Variants in SCUBE3 observed in about 807,000 individuals in gnomAD.
The protein encoded by SCUBE3 is signal peptide, CUB domain and EGF like domain containing 3, also known as signal peptide, CUB and EGF-like domain-containing protein 3.
In SCUBE3, 33 loss-of-function variants were observed where a neutral mutation model predicts 116.8. That is an observed-to-expected ratio of 0.28 (90% CI 0.21 to 0.38). The LOEUF (loss-of-function observed/expected upper bound fraction) is 0.38, where lower values mean the gene tolerates loss of function less well. SCUBE3 is among the 10% of genes least tolerant of loss of function. The pLI is 1.00. For missense variants in SCUBE3, 1,007 were observed against 1,324.8 expected (o/e 0.76, Z 3.72); for synonymous variants, 418 against 496.9 (o/e 0.84, Z 2.11).
intron 2 of SCUBE3, 31 bp downstream of exon 2, chr6:35,227,733 G>A: frequency 6.2e-7 from 1 of 1,613,204 alleles, no homozygotes. Context: ...GGAGGAGAGG[G>A]ACCTGTGGAA....
intron 2 of SCUBE3, 62 bp downstream of exon 2, chr6:35,227,764 G>A (rs1408229584): frequency 1.9e-6 from 3 of 1,571,184 alleles, no homozygotes; most frequent in Non-Finnish European, 2.6e-6. Flanking sequence ...CAGTGCCACT[G>A]CCCTCAGTTG....
Position 35,214,317 on chromosome 6 carries a change from G to A in SCUBE3, c.-102G>A, listed in dbSNP as rs1387256946. On this transcript the variant is annotated 5_prime_UTR_variant, in exon 1 of 22. Transcript: ENST00000274938. The surrounding 1 kb of genome is among the most constrained non-coding windows in gnomAD (Gnocchi z 6.3). ...GCCCCCGGCCTGGCCCCGGCGGGGCGCCCCCTCCCCTCCCCCTCCTGCGAG... is the reference window on the plus strand; with the variant it reads ...GCCCCCGGCCTGGCCCCGGCGGGGCACCCCCTCCCCTCCCCCTCCTGCGAG... 8.0e-6 allele frequency: 5 copies of A among 622,796 alleles called. No homozygotes were observed. Among genetic ancestry groups the A allele is most frequent in the African/African-American group, 4.0e-5 (2 of 50,584 alleles). The allele number at this position is 622,796 out of a possible 1,614,324, so 38.6% of individuals were successfully genotyped here. A position where few individuals can be genotyped will look rare whatever the true frequency, so the allele number is the denominator to read the frequency against.
In SCUBE3 at chr6:35,214,673, C is replaced by G. The variant is rs548182993; in HGVS notation, c.85+170C>G. Among the ~76,000 whole-genome samples the G allele has an allele frequency of 1.3e-5, 2 of 152,328 alleles. No homozygotes were observed. The highest frequency in any genetic ancestry group is 1.3e-4 in the Admixed American group (2 of 15,306). ...GGGCCCGACCGCTGGGCGCTGCGCC[C>G]CGAGCGAAAAGCCGGACAAGCTGGG... On this transcript the variant is annotated intron_variant, in intron 1 of 21. Coordinates refer to ENST00000274938, the MANE Select transcript of SCUBE3 (RefSeq NM_152753.4). This position sits in a 1 kb window ranked among gnomAD's most constrained non-coding sequence, Gnocchi z 6.3.
At chr6:35,226,505 G>C (rs1378595080) in intron 1 of SCUBE3, among the ~76,000 whole-genome samples, 1 of 10,282 alleles carries the variant, frequency 9.7e-5, no homozygotes, top group East Asian at 9.4e-3. Context: ...TTTTTTTTGA[G>C]ATAGAGTCTC....
chr6:35,232,925 G>A lies in SCUBE3; in HGVS notation c.545G>A (p.Cys182Tyr), dbSNP rs1399728388. The change falls in exon 5 of 22, where the codon TGT becomes TAT. Residue 182 changes from cysteine to tyrosine, a missense_variant. By Grantham distance (194) the Cys-to-Tyr change is radical. Around this residue, in one of 5 missense-constraint regions of SCUBE3, gnomAD observed 214 missense variants for 316.7 expected, o/e 0.68. Transcript: ENST00000274938. This position sits in a 1 kb window ranked among gnomAD's most constrained non-coding sequence, Gnocchi z 4.2. ...CRETPKGGIA[C>Y]ECRPGFELTK... Reference sequence around the variant, plus strand: ...GAGACACCCAAGGGGGGTATTGCCTGTGAATGCCGTCCTGGCTTTGAGCTT... The same window carrying A: ...GAGACACCCAAGGGGGGTATTGCCTATGAATGCCGTCCTGGCTTTGAGCTT... 5 of 1,614,098 alleles carry A rather than the reference G, an allele frequency of 3.1e-6. No individual in the cohort carries two copies. Among genetic ancestry groups the A allele is most frequent in the Admixed American group, 1.7e-5 (1 of 60,008 alleles).
chr6:35,245,780 C>T lies in SCUBE3; in HGVS notation c.2600-164C>T, dbSNP rs1481930294. Among the ~76,000 whole-genome samples, 1 of 152,062 alleles carries T rather than the reference C, an allele frequency of 6.6e-6. No individual in the cohort carries two copies. The highest frequency in any genetic ancestry group is 2.4e-5 in the African/African-American group (1 of 41,410). On this transcript the variant is annotated intron_variant, in intron 19 of 21. Transcript: ENST00000274938. This position sits in a 1 kb window ranked among gnomAD's most constrained non-coding sequence, Gnocchi z 4.2. ...GGAATTGTGGAATGAGCCCAGTGGG[C>T]AATGGGAGAGGGTGTGGGGTAGGGT... is the stretch of plus-strand genomic sequence containing the variant.
intron 1 of SCUBE3, chr6:35,222,222 G>T (rs3800385): frequency 0.68 from 102,845 of 152,096 alleles, 37,866 homozygotes; most frequent in Non-Finnish European, 0.82. Flanking sequence ...ATTTCCATTT[G>T]TTACTGTTCC....
rs770194611 is a variant in SCUBE3, at chr6:35,241,600, G to A, written c.1253G>A (p.Arg418Gln). The change falls in exon 11 of 22, where the codon CGG (arginine) becomes CAG (glutamine). Residue 418 changes from arginine to glutamine, a missense_variant. Physicochemically the swap from Arg to Gln is conservative, Grantham distance 43. This residue lies in a region of SCUBE3 where 544 missense variants were observed against 638.9 expected (regional missense o/e 0.85). Coordinates refer to ENST00000274938, the MANE Select transcript of SCUBE3 (RefSeq NM_152753.4). This position sits in a 1 kb window ranked among gnomAD's most constrained non-coding sequence, Gnocchi z 4.1. ...GASKAMLSCNRSGKKDTCALT... is the reference protein window; with the variant it reads ...GASKAMLSCNQSGKKDTCALT... ...TCGAAAGCCATGCTCAGCTGCAACC[G>A]GTCTGGCAAGAAGGACACCTGTGCC... The A allele has an allele frequency of 7.4e-6, 12 of 1,614,064 alleles. No individual in the cohort carries two copies. The highest frequency in any genetic ancestry group is 6.7e-5 in the Admixed American group (4 of 60,006).
chr6:35,217,618 C>T (rs957691997), intron 1 of SCUBE3, among the ~76,000 whole-genome samples: 6 of 151,970 alleles, frequency 3.9e-5, no homozygotes, highest in African/African-American at 1.2e-4. Flanking sequence ...TCCTTTCCTC[C>T]CCGCTTCCCT....
intron 21 of SCUBE3, among the ~76,000 whole-genome samples, chr6:35,247,035 A>G (rs959546127): frequency 6.6e-6 from 1 of 152,142 alleles, no homozygotes; most frequent in Non-Finnish European, 1.5e-5. Flanking sequence ...CTCAGAATCA[A>G]TTTATGTACA....
rs1783638937 is a variant in SCUBE3, at chr6:35,233,573, TGCCAAAC to T, written c.712+273_712+279del. On this transcript the variant is annotated intron_variant, in intron 6 of 21. Transcript: ENST00000274938. The surrounding 1 kb of genome is among the most constrained non-coding windows in gnomAD (Gnocchi z 5.7). ...CCCTCTTCATCCCAGGACAAAGTGT[TGCCAAAC>T]TGGGAATAATTAGCAGAGTTGCTTA... 6.6e-6 allele frequency among the ~76,000 whole-genome samples: 1 copy of T among 152,176 alleles called. No homozygotes were observed. Among genetic ancestry groups the T allele is most frequent in the African/African-American group, 2.4e-5 (1 of 41,440 alleles).
At chr6:35,224,114 G>C (rs1055265051) in intron 1 of SCUBE3, 2 of 152,232 alleles carry the variant, frequency 1.3e-5, no homozygotes, top group African/African-American at 4.8e-5. Flanking sequence ...GCATAGTGTG[G>C]CTGGAAGAGA....
chr6:35,242,558 G>T, intron 13 of SCUBE3, 64 bp from the exon 14 acceptor site: 1 of 1,463,550 alleles, frequency 6.8e-7, no homozygotes, highest in Non-Finnish European at 9.5e-7. Flanking sequence ...GGGGAGGTCT[G>T]TCTGGGCTGG....
At chr6:35,234,100 A>G (rs770815312) in intron 6 of SCUBE3, among the ~76,000 whole-genome samples, 1 of 152,180 alleles carries the variant, frequency 6.6e-6, no homozygotes, top group Non-Finnish European at 1.5e-5. Flanking sequence ...GTTAATTCCT[A>G]ATTCCTTTAG....
chr6:35,218,611 C>T (rs1783012883), intron 1 of SCUBE3, among the ~76,000 whole-genome samples: 1 of 152,204 alleles, frequency 6.6e-6, no homozygotes, highest in Non-Finnish European at 1.5e-5. Context: ...AGGCCCAGAC[C>T]TGGGGACAGC....
rs908998777 is a variant in SCUBE3 at position 35,250,266 on chromosome 6, A to G, written c.*1561A>G. 10 of 152,296 alleles carry G rather than the reference A, an allele frequency of 6.6e-5. No homozygotes were observed. The highest frequency in any genetic ancestry group is 1.7e-4 in the African/African-American group (7 of 41,440). The allele number at this position is 152,296 out of a possible 1,614,324, so 9.4% of individuals were successfully genotyped here. A position where few individuals can be genotyped will look rare whatever the true frequency, so the allele number is the denominator to read the frequency against. ...GTCAGTGTGGACCTCATGATTATAG[A>G]GGCCAATGGAACTGGTCAGTGATTC... On this transcript the variant is annotated 3_prime_UTR_variant, in exon 22 of 22. Coordinates refer to ENST00000274938, the MANE Select transcript of SCUBE3 (RefSeq NM_152753.4).
chr6:35,241,075 T>G lies in SCUBE3; in HGVS notation c.1070-66T>G, dbSNP rs1348063186. ...ACTCTAACCAAAGGCCCTCACTCAC[T>G]GCCTACTCTCCGGCTCCTCCTCCAA... is the stretch of plus-strand genomic sequence containing the variant. On this transcript the variant is annotated intron_variant, in intron 9 of 21. Coordinates refer to ENST00000274938, the MANE Select transcript of SCUBE3 (RefSeq NM_152753.4). This position sits in a 1 kb window ranked among gnomAD's most constrained non-coding sequence, Gnocchi z 4.1. 7.3e-6 allele frequency: 11 copies of G among 1,507,486 alleles called. 1 individual carries two copies. The highest frequency in any genetic ancestry group is 9.9e-6 in the Non-Finnish European group (11 of 1,109,316). 93.4% of individuals were successfully genotyped at this position (1,507,486 alleles called of 1,614,324 possible). A position where few individuals can be genotyped will look rare whatever the true frequency, so the allele number is the denominator to read the frequency against.
rs1783493937 is a variant in SCUBE3 at position 35,230,366 on chromosome 6, G to T, written c.335-1359G>T. ...GGGAGAACCAACCAGAGGGACAAGA[G>T]AATGATTAGGTATAGAGAGGGTCAA... On this transcript the variant is annotated intron_variant, in intron 3 of 21. Transcript: ENST00000274938. Among the ~76,000 whole-genome samples, 3 of 152,208 alleles carry T rather than the reference G, an allele frequency of 2.0e-5. No individual in the cohort carries two copies. The South Asian group carries it at 6.2e-4, about 31-fold the overall frequency.
rs1389291465 is a variant in SCUBE3, at chr6:35,228,220, T to C, written c.209-394T>C. 6.6e-6 allele frequency among the ~76,000 whole-genome samples: 1 copy of C among 152,224 alleles called. No individual in the cohort carries two copies. The highest frequency in any genetic ancestry group is 6.5e-5 in the Admixed American group (1 of 15,276). On this transcript the variant is annotated intron_variant, in intron 2 of 21. Coordinates refer to ENST00000274938, the MANE Select transcript of SCUBE3 (RefSeq NM_152753.4). This position sits in a 1 kb window ranked among gnomAD's most constrained non-coding sequence, Gnocchi z 4.9. ...AGTTGCATTATAAATTGAAAAGTAA[T>C]TTTGTAATACCTACCAGGAATCTTA...
Sources: gnomAD v4.1 joint callset for allele counts (sites outside exome capture counted in the v4.1 genomes callset) on GRCh38, gnomAD v4.1.1 for gene constraint, gnomAD v4.1.1 regional missense constraint, Gnocchi (gnomAD v3.1) non-coding constraint, MANE v1.5 for transcripts, NCBI Gene and HGNC (gene_info 2026-07-23, HGNC 2026-07-21) for gene names.